NBPF3: variants seen among roughly 807,000 people sequenced by gnomAD.
NBPF3 encodes the protein NBPF family member NBPF3.
A neutral mutation model predicts 78.1 loss-of-function variants in NBPF3; 57 were observed. The ratio of observed to expected loss-of-function variants is 0.73; its 90% CI spans 0.59 to 0.91. The LOEUF (loss-of-function observed/expected upper bound fraction) is 0.91. Among genes scored for constraint, NBPF3 ranks in the 40% least tolerant of loss-of-function variants. The pLI is 0.00. For synonymous variants in NBPF3, 182 were observed against 271.7 expected (o/e 0.67, Z 3.25); for missense variants, 510 against 715.3 (o/e 0.71, Z 3.27).
intron 2 of NBPF3, among the ~76,000 whole-genome samples, chr1:21,448,355 TC>T (rs1641109569): frequency 6.6e-6 from 1 of 152,134 alleles, no homozygotes; most frequent in African/African-American, 2.4e-5. Context: ...CATGTGTTTG[TC>T]CAGCTGTTCT....
rs151129495 is a variant in NBPF3 at position 21,468,883 on chromosome 1, G to A, written c.329G>A (p.Arg110Gln). The A allele has an allele frequency of 1.1e-5, 18 of 1,613,786 alleles. No individual in the cohort carries two copies. The highest frequency in any genetic ancestry group is 1.4e-5 in the Non-Finnish European group (16 of 1,179,730). Residue 110 changes from arginine to glutamine, a missense_variant, in exon 3 of 15, where the codon CGG becomes CAG. Arg to Gln is a conservative substitution (Grantham distance 43). Coordinates refer to ENST00000318249, the MANE Select transcript of NBPF3 (RefSeq NM_032264.6). The stretch of plus-strand genomic sequence containing the variant: ...CAAGTGGCCTACTTCCTGGCCAACC[G>A]GCAAAATAATTACGGTAAGTTCTAT... ...VTQVAYFLAN[R>Q]QNNYDYEDCK...
chr1:21,447,511 TG>T (rs1641058095), intron 2 of NBPF3, among the ~76,000 whole-genome samples: 1 of 152,230 alleles, frequency 6.6e-6, no homozygotes, highest in Admixed American at 6.5e-5. Context: ...GTACAGGATG[TG>T]GGTTTCCAGA....
At chr1:21,475,069 G>A (rs1642822068) in intron 8 of NBPF3, 118 bp downstream of exon 8, 2 of 870,842 alleles carry the variant, frequency 2.3e-6, no homozygotes, top group African/African-American at 1.7e-5. Context: ...GCTACAAGTT[G>A]TCCTTATTAA....
rs1827293 is a variant in NBPF3, at chr1:21,468,895, A to G, written c.341A>G (p.Tyr114Cys). The change falls in exon 3 of 15, where the codon TAC becomes TGC. Residue 114 changes from tyrosine to cysteine, a missense_variant and splice_region_variant. Transcript: ENST00000318249. ...TTCCTGGCCAACCGGCAAAATAATT[A>G]CGGTAAGTTCTATAGGCTCACCATC... ...AYFLANRQNN[Y>C]DYEDCKDLIK... The G allele has an allele frequency of 0.53, 851,930 of 1,610,754 alleles. 230,556 individuals are homozygous for G. Among genetic ancestry groups the G allele is most frequent in the Middle Eastern group, 0.61 (3,669 of 6,050 alleles).
At chr1:21,468,467 TC>T in intron 2 of NBPF3, 4 of 1,425,726 alleles carry the variant, frequency 2.8e-6, no homozygotes, top group Non-Finnish European at 2.7e-6. Context: ...CTGGCCTCAC[TC>T]TTGTCGGAGA....
At chr1:21,462,997 G>T (rs969263679) in intron 2 of NBPF3, among the ~76,000 whole-genome samples, 28 of 152,190 alleles carry the variant, frequency 1.8e-4, no homozygotes, top group Non-Finnish European at 4.4e-5. Flanking sequence ...AATTGACAAA[G>T]AATAGACAAA....
At chr1:21,448,599 A>C (rs1223215449) in intron 2 of NBPF3, among the ~76,000 whole-genome samples, 1 of 152,178 alleles carries the variant, frequency 6.6e-6, no homozygotes, top group Non-Finnish European at 1.5e-5. Context: ...GAACTTCATC[A>C]TGAGAACCTG....
At chr1:21,473,290 A>T (rs1388591150) in intron 6 of NBPF3, 90 bp from the exon 7 acceptor site, 1 of 1,450,680 alleles carries the variant, frequency 6.9e-7, no homozygotes, top group African/African-American at 1.4e-5. Flanking sequence ...CACTCTCTTA[A>T]TGCCTCCTGT....
intron 2 of NBPF3, among the ~76,000 whole-genome samples, chr1:21,457,547 T>G (rs1302860300): frequency 6.6e-6 from 1 of 152,128 alleles, no homozygotes; most frequent in Non-Finnish European, 1.5e-5. Flanking sequence ...CTCTACTGTT[T>G]AGTCATCAGG....
upstream of NBPF3, among the ~76,000 whole-genome samples, chr1:21,439,009 C>T (rs1640493317): frequency 6.6e-6 from 1 of 152,190 alleles, no homozygotes. Context: ...ATGGTGTCGC[C>T]CACCTTGGTG....
At chr1:21,461,811 T>G (rs1439276523) in intron 2 of NBPF3, among the ~76,000 whole-genome samples, 1 of 152,224 alleles carries the variant, frequency 6.6e-6, no homozygotes, top group African/African-American at 2.4e-5. Context: ...AATGAATCTA[T>G]GGTGGCTGCT....
At chr1:21,471,045 G>C (rs183962964) in intron 4 of NBPF3, among the ~76,000 whole-genome samples, 200 of 144,880 alleles carry the variant, frequency 1.4e-3, no homozygotes, top group African/African-American at 4.8e-3. Flanking sequence ...AAAGTGATGT[G>C]CCATCACCAC....
upstream of NBPF3, chr1:21,437,487 A>C: frequency 2.0e-6 from 3 of 1,463,628 alleles, no homozygotes; most frequent in Non-Finnish European, 2.8e-6. Context: ...GAGGACGCCC[A>C]GCGCGAGGTG....
intron 2 of NBPF3, chr1:21,446,518 T>G (rs1298642779): frequency 2.2e-5 from 3 of 138,564 alleles, no homozygotes; most frequent in African/African-American, 7.9e-5. Flanking sequence ...ACTCTCTTTC[T>G]CTTTATTCTT....
In NBPF3 at chr1:21,479,386, G is replaced by T. The variant is rs72874208; in HGVS notation, c.1194G>T (p.Glu398Asp). The change falls in exon 10 of 15, where the codon GAG becomes GAT. Residue 398 changes from glutamate (E) to aspartate (D), a missense_variant. By Grantham distance (45) the Glu-to-Asp change is conservative (BLOSUM62 2). Transcript: ENST00000318249. ...ATCAAGTGAAAAAGGAGGACCAAGA[G>T]GCCACAAGTCCCAGGTGAGTCTGAG... ...WCDQVKKEDQ[E>D]ATSPRLSREL... 1.1e-3 allele frequency: 1,796 copies of T among 1,611,020 alleles called. 24 individuals are homozygous for T. In the African/African-American group the frequency reaches 0.02, roughly 18 times the overall value.
At position 21,479,373 on chromosome 1, in the gene NBPF3, A is replaced by T; in HGVS notation, c.1181A>T (p.Lys394Met). 1 of 1,610,928 alleles carries T rather than the reference A, an allele frequency of 6.2e-7. No individual in the cohort carries two copies. Among genetic ancestry groups the T allele is most frequent in the Non-Finnish European group, 8.5e-7 (1 of 1,178,304 alleles). The change falls in exon 10 of 15, where the codon AAG (lysine) becomes ATG (methionine). Residue 394 changes from lysine to methionine, a missense_variant. By Grantham distance (95) the Lys-to-Met change is moderately conservative (BLOSUM62 -1). Around this residue, in one of 5 missense-constraint regions of NBPF3, gnomAD observed 440 missense variants for 478.2 expected, o/e 0.92. Coordinates refer to ENST00000318249, the MANE Select transcript of NBPF3 (RefSeq NM_032264.6). The stretch of plus-strand genomic sequence containing the variant: ...GGACATTGGTGTGATCAAGTGAAAA[A>T]GGAGGACCAAGAGGCCACAAGTCCC... ...IGRHWCDQVK[K>M]EDQEATSPRL...
At chr1:21,448,866 G>T (rs1641140311) in intron 2 of NBPF3, among the ~76,000 whole-genome samples, 1 of 152,186 alleles carries the variant, frequency 6.6e-6, no homozygotes, top group African/African-American at 2.4e-5. Flanking sequence ...CACCCTAGAA[G>T]GGTTGACTTT....
At chr1:21,451,164 C>T (rs745943839) in intron 2 of NBPF3, among the ~76,000 whole-genome samples, 1 of 152,180 alleles carries the variant, frequency 6.6e-6, no homozygotes, top group Non-Finnish European at 1.5e-5. Flanking sequence ...TATGTGTCAA[C>T]AGTTTGTTCC....
At chr1:21,479,964 G>A (rs1643113544) in intron 10 of NBPF3, 87 bp from the exon 11 acceptor site, 2 of 795,206 alleles carry the variant, frequency 2.5e-6, no homozygotes, top group Non-Finnish European at 4.6e-6. Flanking sequence ...TTTTCAAACA[G>A]TTCCTTATGT....
Sources: gnomAD v4.1 joint callset for allele counts (sites outside exome capture counted in the v4.1 genomes callset) on GRCh38, gnomAD v4.1.1 for gene constraint, gnomAD v4.1.1 regional missense constraint, MANE v1.5 for transcripts, NCBI Gene and HGNC (gene_info 2026-07-23, HGNC 2026-07-21) for gene names.